FLRT1: variants seen among roughly 807,000 people sequenced by gnomAD.
FLRT1 encodes the protein fibronectin leucine rich transmembrane protein 1, also known as leucine-rich repeat transmembrane protein FLRT1.
FLRT1 carries 14 observed loss-of-function variants against 30.9 expected under a neutral mutation model. That is an observed-to-expected ratio of 0.45 (90% CI 0.30 to 0.71). The LOEUF (loss-of-function observed/expected upper bound fraction) is 0.71. FLRT1 is among the 30% of genes least tolerant of loss of function. The pLI, the probability that FLRT1 is intolerant of heterozygous loss-of-function variation, is 0.08. For missense variants in FLRT1, 737 were observed against 949.2 expected (o/e 0.78, Z 2.94); for synonymous variants, 368 against 430.4 (o/e 0.85, Z 1.80).
At chr11:64,099,511 T>C (rs1407418116) in intron 1 of FLRT1, among the ~76,000 whole-genome samples, 2 of 151,654 alleles carry the variant, frequency 1.3e-5, no homozygotes, top group Non-Finnish European at 2.9e-5. Flanking sequence ...GACAGACGGA[T>C]AGATGGAGAA....
At chr11:64,100,212 T>TC (rs749690479) in intron 1 of FLRT1, among the ~76,000 whole-genome samples, 4 of 152,098 alleles carry the variant, frequency 2.6e-5, no homozygotes, top group Non-Finnish European at 5.9e-5. Flanking sequence ...AGGTGCATTG[T>TC]CCCCTGGCAT....
chr11:64,098,853 G>A (rs1447180259), intron 1 of FLRT1, among the ~76,000 whole-genome samples: 1 of 152,182 alleles, frequency 6.6e-6, no homozygotes, highest in South Asian at 2.1e-4. Flanking sequence ...AGCCCACCTG[G>A]GTTTCTAGCA....
intron 1 of FLRT1, among the ~76,000 whole-genome samples, chr11:64,058,817 A>G (rs969876621): frequency 1.3e-5 from 2 of 152,010 alleles, no homozygotes; most frequent in Non-Finnish European, 2.9e-5. Context: ...GACGGGTGGG[A>G]GGGCGTGAAG....
chr11:64,108,027 G>A (rs942255117), intron 2 of FLRT1, among the ~76,000 whole-genome samples: 1 of 152,144 alleles, frequency 6.6e-6, no homozygotes, highest in Non-Finnish European at 1.5e-5. Flanking sequence ...GAAGTAGATC[G>A]TTTATGGTCA....
chr11:64,118,253 G>C lies in FLRT1; in HGVS notation c.1986G>C (p.Arg662=). Residue 662 remains arginine, a synonymous_variant, in exon 3 of 3, where the codon CGG becomes CGC. Coordinates refer to ENST00000682287, the MANE Select transcript of FLRT1 (RefSeq NM_013280.5). ...GCTACGGCACCACGCGGGGCTACCG[G>C]GACGGCGGCATCCCCGACATAGACT... is the stretch of plus-strand genomic sequence containing the variant. ...TIGYGTTRGY[R]DGGIPDIDYS... 1 of 1,600,220 alleles carries C rather than the reference G, an allele frequency of 6.2e-7. No individual in the cohort carries two copies. Among genetic ancestry groups the C allele is most frequent in the Non-Finnish European group, 8.5e-7 (1 of 1,170,804 alleles).
chr11:64,049,933 A>AAAC (rs1318809353), intron 1 of FLRT1, among the ~76,000 whole-genome samples: 1 of 152,218 alleles, frequency 6.6e-6, no homozygotes, highest in Non-Finnish European at 1.5e-5. Context: ...GGGGGAGGCC[A>AAAC]AACCTCTCTC....
intron 1 of FLRT1, among the ~76,000 whole-genome samples, chr11:64,074,591 G>A (rs989835100): frequency 1.3e-5 from 2 of 152,188 alleles, no homozygotes; most frequent in African/African-American, 2.4e-5. Context: ...CAGGCCCTCC[G>A]TGGCAGCCCT....
Position 64,054,427 on chromosome 11 carries a change from A to G in FLRT1, c.-1038+18268A>G, listed in dbSNP as rs530058227. 1.8e-4 allele frequency among the ~76,000 whole-genome samples: 28 copies of G among 152,252 alleles called. 1 individual carries two copies. In the South Asian group the frequency reaches 3.9e-3, roughly 21 times the overall value. ...TGAGCTCTTCTGCAAACACCGCACT[A>G]TAAATCCAGGGTGTTTCCAGTAAAT... On this transcript the variant is annotated intron_variant, in intron 1 of 2. Coordinates refer to ENST00000682287, the MANE Select transcript of FLRT1 (RefSeq NM_013280.5).
intron 2 of FLRT1, among the ~76,000 whole-genome samples, chr11:64,113,871 C>CATGG (rs202172057): frequency 0.46 from 34,985 of 76,614 alleles, 5,128 homozygotes; most frequent in East Asian, 0.6. Context: ...TGGATTGATA[C>CATGG]ATGGATGGAT....
At chr11:64,099,563 T>G in intron 1 of FLRT1, among the ~76,000 whole-genome samples, 1 of 149,746 alleles carries the variant, frequency 6.7e-6, no homozygotes, top group South Asian at 2.1e-4. Flanking sequence ...GATGGATGGA[T>G]AGAGGTGAAT....
rs1466775507 is a variant in FLRT1 at position 64,118,173 on chromosome 11, C to T, written c.1906C>T (p.His636Tyr). ...CCGCGCCAAAGAAGAGTACGTGGTC[C>T]ACACTATCTTCCCCTCCAACGGCAG... is the stretch of plus-strand genomic sequence containing the variant. ...PYRAKEEYVV[H>Y]TIFPSNGSSL... The change falls in exon 3 of 3, where the codon CAC (histidine) becomes TAC (tyrosine). Residue 636 changes from histidine (H) to tyrosine (Y), a missense_variant. His to Tyr is a moderately conservative substitution (Grantham distance 83). Transcript: ENST00000682287. The T allele has an allele frequency of 1.2e-6, 2 of 1,613,568 alleles. No individual in the cohort carries two copies. Among genetic ancestry groups the T allele is most frequent in the Non-Finnish European group, 1.7e-6 (2 of 1,180,000 alleles).
intron 1 of FLRT1, among the ~76,000 whole-genome samples, chr11:64,042,720 A>T (rs1465438502): frequency 6.6e-6 from 1 of 152,152 alleles, no homozygotes; most frequent in African/African-American, 2.4e-5. Context: ...GGGGTGCTTC[A>T]TGCCTCAGTT....
At chr11:64,098,256 C>T (rs1400686906) in intron 1 of FLRT1, among the ~76,000 whole-genome samples, 1 of 152,224 alleles carries the variant, frequency 6.6e-6, no homozygotes, top group African/African-American at 2.4e-5. Flanking sequence ...ATTCAGAGCG[C>T]CCCTAAGGCC....
chr11:64,110,102 C>T (rs1324425462), intron 2 of FLRT1, among the ~76,000 whole-genome samples: 4 of 152,128 alleles, frequency 2.6e-5, no homozygotes, highest in South Asian at 4.1e-4. Context: ...ATTATGACCA[C>T]ATTTATAGAT....
Position 64,118,566 on chromosome 11 carries a change from A to C in FLRT1, c.*274A>C. ...GCCAGTTGGGGAGGGAAGGACTAAA[A>C]ATAATATTGCAGGCAGGGCTGGGTT... On this transcript the variant is annotated 3_prime_UTR_variant, in exon 3 of 3. Transcript: ENST00000682287. 1 of 390,512 alleles carries C rather than the reference A, an allele frequency of 2.6e-6. No homozygotes were observed. The highest frequency in any genetic ancestry group is 4.8e-6 in the Non-Finnish European group (1 of 209,596). 24.2% of individuals were successfully genotyped at this position (390,512 alleles called of 1,614,324 possible).
chr11:64,097,717 C>G (rs1056471552), intron 1 of FLRT1, among the ~76,000 whole-genome samples: 2 of 152,226 alleles, frequency 1.3e-5, no homozygotes, highest in Non-Finnish European at 2.9e-5. Context: ...TGCCATGCAG[C>G]GGTGCCAAGC....
intron 1 of FLRT1, among the ~76,000 whole-genome samples, chr11:64,101,347 G>A (rs1252238583): frequency 6.6e-6 from 1 of 152,180 alleles, no homozygotes; most frequent in Non-Finnish European, 1.5e-5. Flanking sequence ...AGAAGCTATG[G>A]GAAGGGTCTG....
intron 1 of FLRT1, among the ~76,000 whole-genome samples, chr11:64,069,844 C>T (rs1944074663): frequency 1.3e-5 from 2 of 152,224 alleles, no homozygotes; most frequent in Non-Finnish European, 2.9e-5. Flanking sequence ...AAGTCTTTAG[C>T]AAATGGTTCA....
chr11:64,078,663 T>C (rs1944248192), intron 1 of FLRT1, among the ~76,000 whole-genome samples: 1 of 152,118 alleles, frequency 6.6e-6, no homozygotes, highest in Non-Finnish European at 1.5e-5. Flanking sequence ...CCTACAAATA[T>C]GTGCTCTTCA....
Sources: gnomAD v4.1 joint callset for allele counts (sites outside exome capture counted in the v4.1 genomes callset) on GRCh38, gnomAD v4.1.1 for gene constraint, MANE v1.5 for transcripts, NCBI Gene and HGNC (gene_info 2026-07-23, HGNC 2026-07-21) for gene names.